UTRN: variants seen among roughly 807,000 people sequenced by gnomAD.
UTRN encodes the protein utrophin.
UTRN carries 283 observed loss-of-function variants against 463.9 expected under a neutral mutation model. The observed-to-expected ratio is 0.61, with a 90% CI of 0.55 to 0.67. The LOEUF is 0.67. UTRN is among the 30% of genes least tolerant of loss of function. The probability of loss-of-function intolerance (pLI) is 0.00; values close to 1 mark genes in which losing one functional copy is unlikely to be tolerated. For missense variants in UTRN, 3,922 were observed against 4,084.3 expected (o/e 0.96, Z 1.08); for synonymous variants, 1,442 against 1,431.5 (o/e 1.01, Z -0.17).
chr6:144,560,200 G>A (rs1799738697), intron 50 of UTRN, among the ~76,000 whole-genome samples: 1 of 152,132 alleles, frequency 6.6e-6, no homozygotes, highest in African/African-American at 2.4e-5. Context: ...AGCTTATAAT[G>A]GCAGAGTTGG....
chr6:144,469,770 T>C (rs1790323761), intron 23 of UTRN, among the ~76,000 whole-genome samples: 1 of 150,162 alleles, frequency 6.7e-6, no homozygotes, highest in Admixed American at 6.6e-5. Context: ...GGCAGGGTCA[T>C]AGGACAATAG....
At chr6:144,368,121 A>G (rs1327815674) in intron 2 of UTRN, among the ~76,000 whole-genome samples, 1 of 152,132 alleles carries the variant, frequency 6.6e-6, no homozygotes, top group Non-Finnish European at 1.5e-5. Flanking sequence ...TGATCTAAAG[A>G]CTGAGATCCT....
intron 52 of UTRN, among the ~76,000 whole-genome samples, chr6:144,698,782 T>C (rs1471937117): frequency 6.6e-6 from 1 of 152,260 alleles, no homozygotes; most frequent in African/African-American, 2.4e-5. Context: ...TTTGCTCTTA[T>C]TGGAACCTTA....
intron 2 of UTRN, among the ~76,000 whole-genome samples, chr6:144,392,330 A>C (rs1430889263): frequency 1.3e-5 from 2 of 152,226 alleles, no homozygotes; most frequent in Non-Finnish European, 2.9e-5. Context: ...AGATAACTAA[A>C]ATCCTCCAGC....
At position 144,482,369 on chromosome 6, in the gene UTRN, GA is replaced by G; in HGVS notation, c.3671del (p.Lys1224SerfsTer5). On this transcript the variant is annotated frameshift_variant, in exon 27 of 75. Transcript: ENST00000367545. LOFTEE classifies it high-confidence loss of function. Reference protein sequence around the residue: ...NYQLLCNRIRGKCHTLEEVWS... With the variant: ...NYQLLCNRIRXKCHTLEEVWS... The stretch of plus-strand genomic sequence containing the variant: ...CAACTTCTTTGTAATAGAATTCGAG[GA>G]AAGTGCCACACGCTAGAGGTATGCT... 6.3e-7 allele frequency: 1 copy of G among 1,595,390 alleles called. No individual in the cohort carries two copies. Among genetic ancestry groups the G allele is most frequent in the Non-Finnish European group, 8.5e-7 (1 of 1,174,850 alleles).
At chr6:144,845,823 G>GCTTTC (rs1781965005) in intron 73 of UTRN, among the ~76,000 whole-genome samples, 1 of 151,968 alleles carries the variant, frequency 6.6e-6, no homozygotes, top group African/African-American at 2.4e-5. Context: ...CAAATACCGG[G>GCTTTC]CCTCACACTT....
chr6:144,708,085 C>A, intron 53 of UTRN: 1 of 182,188 alleles, frequency 5.5e-6, no homozygotes, highest in Non-Finnish European at 1.2e-5. Flanking sequence ...TTTTTTTTAG[C>A]TGCATATATG....
intron 48 of UTRN, 107 bp downstream of exon 48, chr6:144,551,189 T>TA (rs1311977662): frequency 8.7e-6 from 6 of 691,422 alleles, no homozygotes; most frequent in Non-Finnish European, 1.4e-5. Context: ...TCAAAGATTA[T>TA]TCAACTAGAA....
At chr6:144,343,510 A>G (rs925545652) in intron 2 of UTRN, among the ~76,000 whole-genome samples, 1 of 152,046 alleles carries the variant, frequency 6.6e-6, no homozygotes, top group Non-Finnish European at 1.5e-5. Flanking sequence ...CAGTGAGCTG[A>G]GATCATGCCA....
At chr6:144,624,983 T>A (rs1019832326) in intron 51 of UTRN, among the ~76,000 whole-genome samples, 1 of 152,154 alleles carries the variant, frequency 6.6e-6, no homozygotes, top group South Asian at 2.1e-4. Flanking sequence ...AAGATGACCA[T>A]TATAACAGAG....
chr6:144,667,119 A>C (rs1296476942), intron 51 of UTRN, among the ~76,000 whole-genome samples: 2 of 151,990 alleles, frequency 1.3e-5, no homozygotes, highest in African/African-American at 4.8e-5. Flanking sequence ...CAGTGGCACC[A>C]TCTCAGCTCA....
At position 144,459,285 on chromosome 6, in the gene UTRN, G is replaced by A. The variant is rs376535714; in HGVS notation, c.2638G>A (p.Asp880Asn). ...CCCAGATTTTGTCCAGCGGGGCTTC[G>A]ATAGCTTTCTGGGCCGCTACCAAGC... ...SAPDFVQRGFDSFLGRYQAVQ... is the reference protein window; with the variant it reads ...SAPDFVQRGFNSFLGRYQAVQ... The change falls in exon 21 of 75, where the codon GAT (aspartate) becomes AAT (asparagine). Residue 880 changes from aspartate (D) to asparagine (N), a missense_variant. This residue lies in a region of UTRN where 2,349 missense variants were observed against 2,303.8 expected (regional missense o/e 1.02). Transcript: ENST00000367545. 9 of 1,613,924 alleles carry A rather than the reference G, an allele frequency of 5.6e-6. No homozygotes were observed. Among genetic ancestry groups the A allele is most frequent in the African/African-American group, 1.3e-5 (1 of 74,882 alleles).
chr6:144,364,080 A>T (rs1779302119), intron 2 of UTRN, among the ~76,000 whole-genome samples: 1 of 152,278 alleles, frequency 6.6e-6, no homozygotes, highest in East Asian at 1.9e-4. Flanking sequence ...GAGGACCTGG[A>T]TGTTGAGGTT....
intron 2 of UTRN, among the ~76,000 whole-genome samples, chr6:144,369,789 C>A (rs1451063190): frequency 6.6e-6 from 1 of 152,086 alleles, no homozygotes; most frequent in Non-Finnish European, 1.5e-5. Context: ...CAGGTTTTTC[C>A]CGTGCTATTC....
Position 144,444,315 on chromosome 6 carries a change from G to A in UTRN, c.1547G>A (p.Trp516Ter). The A allele has an allele frequency of 6.2e-7, 1 of 1,611,738 alleles. No individual in the cohort carries two copies. Among genetic ancestry groups the A allele is most frequent in the Non-Finnish European group, 8.5e-7 (1 of 1,178,636 alleles). ...GAGCGCTGGACAGCAGTATGCCGTT[G>A]GACTGAAGAACGCTGGAATAGGTTA... is the stretch of plus-strand genomic sequence containing the variant. Reference protein sequence around the residue: ...LGERWTAVCRWTEERWNRLQE... With the variant: ...LGERWTAVCR The change falls in exon 14 of 75, where the codon TGG becomes TAG. Residue 516 changes from tryptophan (W) to a stop codon, truncating the protein, a stop_gained. Coordinates refer to ENST00000367545, the MANE Select transcript of UTRN (RefSeq NM_007124.3). LOFTEE classifies it high-confidence loss of function.
At chr6:144,313,393 GATA>G (rs925272820) in intron 2 of UTRN, among the ~76,000 whole-genome samples, 11 of 151,976 alleles carry the variant, frequency 7.2e-5, no homozygotes, top group African/African-American at 2.4e-4. Flanking sequence ...AAGGAGAATG[GATA>G]ATAATAAATA....
intron 69 of UTRN, 45 bp downstream of exon 69, chr6:144,828,900 T>C: frequency 6.3e-7 from 1 of 1,593,746 alleles, no homozygotes; most frequent in Non-Finnish European, 8.6e-7. Flanking sequence ...GGCTAGTTCT[T>C]GTATTATGGC....
intron 14 of UTRN, among the ~76,000 whole-genome samples, chr6:144,444,764 C>A (rs1285544518): frequency 6.6e-6 from 1 of 152,230 alleles, no homozygotes; most frequent in Non-Finnish European, 1.5e-5. Flanking sequence ...CCACTCAACA[C>A]ACTGTGAACT....
At chr6:144,291,579 A>G (rs1804256522) in intron 1 of UTRN, among the ~76,000 whole-genome samples, 158 bp from the exon 2 acceptor site, 1 of 152,234 alleles carries the variant, frequency 6.6e-6, no homozygotes. Context: ...GGCAGAGGCT[A>G]TGTCTCTTGT....
Sources: allele counts gnomAD v4.1 joint callset (sites outside exome capture counted in the v4.1 genomes callset), GRCh38; gene constraint gnomAD v4.1.1; regional missense constraint gnomAD v4.1.1; transcripts MANE v1.5; gene names NCBI Gene and HGNC (gene_info 2026-07-23, HGNC 2026-07-21).